Variants in KCNMA1 observed in about 807,000 individuals in gnomAD.
KCNMA1 encodes Calcium-activated potassium channel subunit alpha-1.
Under a neutral mutation model 140.0 loss-of-function variants are expected in KCNMA1, and 29 were observed. That is an observed-to-expected ratio of 0.21 (90% CI 0.15 to 0.28). The LOEUF is 0.28. KCNMA1 is among the 10% of genes least tolerant of loss of function. The pLI, the probability that KCNMA1 is intolerant of heterozygous loss-of-function variation, is 1.00. For missense variants in KCNMA1, 880 were observed against 1,602.2 expected, an observed-to-expected ratio of 0.55 and a Z score of 7.70; for synonymous variants, 612 against 611.9, an observed-to-expected ratio of 1.00 and a Z score of 0.00.
intron 2 of KCNMA1, among the ~76,000 whole-genome samples, chr10:77,292,639 C>A (rs1039927162): frequency 3.3e-5 from 5 of 152,164 alleles, no homozygotes; most frequent in African/African-American, 4.8e-5. Context: ...TCCTTCCAGG[C>A]CCCAGCTCCT....
chr10:76,879,424 T>C (rs2033626436), intron 29 of KCNMA1, among the ~76,000 whole-genome samples: 1 of 152,204 alleles, frequency 6.6e-6, no homozygotes, highest in East Asian at 1.9e-4. Flanking sequence ...GAATTCATAA[T>C]GCTACATCCT....
At chr10:77,259,293 G>T (rs185447769) in intron 2 of KCNMA1, among the ~76,000 whole-genome samples, 1 of 152,134 alleles carries the variant, frequency 6.6e-6, no homozygotes. Flanking sequence ...CCAGATAAGA[G>T]TAAAACTGAT....
At position 77,253,265 on chromosome 10, in the gene KCNMA1, C is replaced by A. The variant is rs146610996; in HGVS notation, c.541-2009G>T. Among the ~76,000 whole-genome samples, 103 of 152,268 alleles carry A rather than the reference C, an allele frequency of 6.8e-4. 3 individuals carry two copies. The East Asian group carries it at 0.018, about 27-fold the overall frequency. ...ATAAACAGCTGATTTAAGACTAATC[C>A]CTGTCCATTTGGCTCCCTGTGTGTG... On this transcript the variant is annotated intron_variant, in intron 2 of 27. Coordinates refer to ENST00000286628, the MANE Select transcript of KCNMA1 (RefSeq NM_001161352.2).
chr10:77,190,895 C>T (rs1046120368), intron 3 of KCNMA1, among the ~76,000 whole-genome samples: 4 of 152,116 alleles, frequency 2.6e-5, no homozygotes, highest in Admixed American at 6.6e-5. Flanking sequence ...TTTTCCCTCA[C>T]CCTCTCCTAT....
At chr10:77,163,688 T>C (rs2098598420) in intron 5 of KCNMA1, among the ~76,000 whole-genome samples, 1 of 152,184 alleles carries the variant, frequency 6.6e-6, no homozygotes, top group African/African-American at 2.4e-5. Context: ...AAATGGTACA[T>C]GGGGTAAGCT....
At chr10:77,327,639 G>A (rs1212566372) in intron 2 of KCNMA1, among the ~76,000 whole-genome samples, 1 of 152,156 alleles carries the variant, frequency 6.6e-6, no homozygotes, top group East Asian at 1.9e-4. Context: ...ACAGGTGTGA[G>A]CCACCTCGCC....
rs542331264 is a variant in KCNMA1, at chr10:77,055,573, T to C, written c.1750-15936A>G. ...ACACCAAGCCATCTAGTAGTGGCAG[T>C]AGCAGTGGTGACAATGCAAGCCAGA... On this transcript the variant is annotated intron_variant, in intron 14 of 27. Transcript: ENST00000286628. Among the ~76,000 whole-genome samples, 229 of 152,010 alleles carry C rather than the reference T, an allele frequency of 1.5e-3. 2 individuals carry two copies. Among genetic ancestry groups the C allele is most frequent in the African/African-American group, 5.0e-3 (207 of 41,498 alleles).
chr10:77,166,362 T>A (rs776964697), intron 5 of KCNMA1, among the ~76,000 whole-genome samples: 10 of 152,188 alleles, frequency 6.6e-5, no homozygotes, highest in Non-Finnish European at 1.5e-4. Flanking sequence ...TGTTTGGTGT[T>A]ATAGGCAGAT....
intron 3 of KCNMA1, among the ~76,000 whole-genome samples, chr10:77,222,276 C>G (rs559186987): frequency 6.6e-6 from 1 of 152,154 alleles, no homozygotes; most frequent in Admixed American, 6.6e-5. Context: ...GAAGAGCACT[C>G]TTTATGAGCA....
chr10:76,996,302 A>G (rs1241455194), intron 19 of KCNMA1, among the ~76,000 whole-genome samples: 1 of 152,236 alleles, frequency 6.6e-6, no homozygotes, highest in Non-Finnish European at 1.5e-5. Context: ...ACAGTAAGGC[A>G]TATTTCCAGT....
intron 1 of KCNMA1, among the ~76,000 whole-genome samples, chr10:77,594,617 G>A (rs1261196320): frequency 6.6e-6 from 1 of 152,186 alleles, no homozygotes; most frequent in East Asian, 1.9e-4. Context: ...CTATGAGGAT[G>A]GAGTGAGATC....
intron 3 of KCNMA1, among the ~76,000 whole-genome samples, chr10:77,230,867 C>T (rs928866577): frequency 1.3e-5 from 2 of 152,084 alleles, no homozygotes; most frequent in Non-Finnish European, 2.9e-5. Context: ...TTAGCTCTAT[C>T]AATAGAGAAA....
chr10:77,411,561 G>A (rs1054814577), intron 1 of KCNMA1, among the ~76,000 whole-genome samples: 12 of 152,278 alleles, frequency 7.9e-5, no homozygotes, highest in South Asian at 2.1e-4. Context: ...AAAGGGACAC[G>A]TACCCATCCT....
chr10:77,259,600 T>C (rs955247679), intron 2 of KCNMA1, among the ~76,000 whole-genome samples: 1 of 152,212 alleles, frequency 6.6e-6, no homozygotes, highest in African/African-American at 2.4e-5. Context: ...TCCAGGAATC[T>C]AACTTGCAGT....
At chr10:77,609,568 T>C (rs915003493) in intron 1 of KCNMA1, among the ~76,000 whole-genome samples, 2 of 152,140 alleles carry the variant, frequency 1.3e-5, no homozygotes, top group African/African-American at 4.8e-5. Context: ...TCTTGAAAAC[T>C]GCTAAGAAAA....
In KCNMA1 at chr10:77,213,206, C is replaced by A. The variant is rs61867048; in HGVS notation, c.603-28290G>T. Among the ~76,000 whole-genome samples, 185 of 152,182 alleles carry A rather than the reference C, an allele frequency of 1.2e-3. 1 individual carries two copies. Among genetic ancestry groups the A allele is most frequent in the African/African-American group, 4.1e-3 (170 of 41,518 alleles). On this transcript the variant is annotated intron_variant, in intron 3 of 27. Transcript: ENST00000286628. Reference sequence around the variant, plus strand: ...ATAACATTCACAGGGTACTCTGCAACGAGCAAAAACGGCTCTAACCCTGGC... The same window carrying A: ...ATAACATTCACAGGGTACTCTGCAAAGAGCAAAAACGGCTCTAACCCTGGC...
In KCNMA1 at chr10:77,506,753, G is replaced by GGA. The variant is rs141918883; in HGVS notation, c.379-102732_379-102731dup. On this transcript the variant is annotated intron_variant, in intron 1 of 27. Transcript: ENST00000286628. Reference sequence around the variant, plus strand: ...GTGTGTGTGTGTGTTTGTTAGAGAGGGAGAGAGAGAGAGAGAGAGAGCTTT... The same window carrying GGA: ...GTGTGTGTGTGTGTTTGTTAGAGAGGGAGAGAGAGAGAGAGAGAGAGAGCTTT... Among the ~76,000 whole-genome samples, 146 of 68,176 alleles carry GGA rather than the reference G, an allele frequency of 2.1e-3. 2 individuals are homozygous for GGA. Among genetic ancestry groups the GGA allele is most frequent in the South Asian group, 4.8e-3 (9 of 1,866 alleles). The allele number at this position is 68,176 out of a possible 152,430, so 44.7% of individuals were successfully genotyped here. A position where few individuals can be genotyped will look rare whatever the true frequency, so the allele number is the denominator to read the frequency against.
intron 2 of KCNMA1, among the ~76,000 whole-genome samples, chr10:77,396,310 AG>A (rs1410989628): frequency 6.6e-6 from 1 of 152,144 alleles, no homozygotes; most frequent in African/African-American, 2.4e-5. Flanking sequence ...GGCATAGATG[AG>A]GGGGGTGAGA....
chr10:77,089,298 C>A (rs1298044475), intron 10 of KCNMA1, among the ~76,000 whole-genome samples: 4 of 152,194 alleles, frequency 2.6e-5, no homozygotes, highest in Non-Finnish European at 4.4e-5. Context: ...CAGAGTAGGA[C>A]CGCGTGCTGG....
Sources: gnomAD v4.1 joint callset for allele counts (sites outside exome capture counted in the v4.1 genomes callset) on GRCh38, gnomAD v4.1.1 for gene constraint, MANE v1.5 for transcripts, NCBI Gene and HGNC (gene_info 2026-07-23, HGNC 2026-07-21) for gene names.